PROS1: variants seen among roughly 807,000 people sequenced by gnomAD.
PROS1 encodes protein S.
A neutral mutation model predicts 75.9 loss-of-function variants in PROS1; 29 were observed. The observed-to-expected ratio is 0.38, with a 90% CI of 0.28 to 0.52. PROS1 has a LOEUF of 0.52. PROS1 is among the 20% of genes least tolerant of loss of function. The pLI is 0.83. For synonymous variants in PROS1, 245 were observed against 280.6 expected (o/e 0.87, Z 1.27); for missense variants, 680 against 810.3 (o/e 0.84, Z 1.95).
At chr3:93,919,398 T>A (rs1708909971) in intron 3 of PROS1, among the ~76,000 whole-genome samples, 1 of 146,810 alleles carries the variant, frequency 6.8e-6, no homozygotes, top group Middle Eastern at 3.5e-3. Context: ...CTGAAAGTTT[T>A]CTTCTTTGAA....
At chr3:93,968,478 A>G (rs142500727) in intron 1 of PROS1, among the ~76,000 whole-genome samples, 67 of 152,330 alleles carry the variant, frequency 4.4e-4, no homozygotes, top group African/African-American at 1.6e-3. Flanking sequence ...CAAAATTGTG[A>G]GACCACAACT....
chr3:93,925,561 G>T (rs1709003877), intron 2 of PROS1, among the ~76,000 whole-genome samples: 1 of 152,006 alleles, frequency 6.6e-6, no homozygotes, highest in Non-Finnish European at 1.5e-5. Context: ...GGGGCAGAGG[G>T]ATCACTGTGG....
chr3:93,918,771 C>T (rs1708899037), intron 3 of PROS1, among the ~76,000 whole-genome samples: 1 of 152,092 alleles, frequency 6.6e-6, no homozygotes, highest in Non-Finnish European at 1.5e-5. Context: ...GTCTCGAACT[C>T]CTAACCTCAA....
At chr3:93,941,948 A>G (rs1709294471) in intron 1 of PROS1, among the ~76,000 whole-genome samples, 1 of 151,950 alleles carries the variant, frequency 6.6e-6, no homozygotes, top group Non-Finnish European at 1.5e-5. Context: ...GTCTCCCACA[A>G]TTACTATTGT....
intron 9 of PROS1, among the ~76,000 whole-genome samples, chr3:93,895,752 G>A (rs900769926): frequency 6.6e-6 from 1 of 152,062 alleles, no homozygotes; most frequent in Non-Finnish European, 1.5e-5. Flanking sequence ...ATCACCTGAG[G>A]TCAGGAGTTT....
At chr3:93,942,208 C>G (rs1709299455) in intron 1 of PROS1, among the ~76,000 whole-genome samples, 2 of 152,252 alleles carry the variant, frequency 1.3e-5, no homozygotes, top group South Asian at 4.1e-4. Context: ...CTCTGCCCCC[C>G]TCCACTCCCT....
At chr3:93,875,452 G>A (rs1396426202) in intron 14 of PROS1, among the ~76,000 whole-genome samples, 3 of 152,000 alleles carry the variant, frequency 2.0e-5, no homozygotes, top group Non-Finnish European at 4.4e-5. Flanking sequence ...CCAAAATCCC[G>A]AAACCACTGA....
chr3:93,959,451 G>C (rs1709665525), intron 1 of PROS1, among the ~76,000 whole-genome samples: 1 of 152,120 alleles, frequency 6.6e-6, no homozygotes, highest in South Asian at 2.1e-4. Flanking sequence ...GCATTCTCTT[G>C]CCATGGTGCT....
chr3:93,901,836 G>C (rs1225068635), intron 6 of PROS1, among the ~76,000 whole-genome samples: 1 of 152,122 alleles, frequency 6.6e-6, no homozygotes, highest in African/African-American at 2.4e-5. Context: ...TTACCACTAA[G>C]GGAAAATGGG....
At chr3:93,941,626 C>G (rs1277693273) in intron 1 of PROS1, among the ~76,000 whole-genome samples, 1 of 152,202 alleles carries the variant, frequency 6.6e-6, no homozygotes, top group Non-Finnish European at 1.5e-5. Flanking sequence ...CTCTCCCTGA[C>G]TCATCCCAAC....
chr3:93,903,398 T>C (rs1323086950), intron 6 of PROS1, among the ~76,000 whole-genome samples: 1 of 152,178 alleles, frequency 6.6e-6, no homozygotes, highest in Admixed American at 6.5e-5. Context: ...GTGTGGTGGC[T>C]CATGCCTGTA....
At chr3:93,911,831 C>T (rs1288229662) in intron 3 of PROS1, among the ~76,000 whole-genome samples, 1 of 152,046 alleles carries the variant, frequency 6.6e-6, no homozygotes, top group African/African-American at 2.4e-5. Context: ...TCAAAGGGGT[C>T]CCAGGGTCCA....
At position 93,893,071 on chromosome 3, in the gene PROS1, C is replaced by G; in HGVS notation, c.1017G>C (p.Leu339=). 4 of 1,614,086 alleles carry G rather than the reference C, an allele frequency of 2.5e-6. No homozygotes were observed. The highest frequency in any genetic ancestry group is 3.4e-6 in the Non-Finnish European group (4 of 1,179,978). ...FRTYDSEGVI[L]YAESIDHSAW... ...CTGAGTGATCGATAGATTCTGCGTA[C>G]AGTATCACGCCTTCTGAATCATATG... Residue 339 remains leucine, a synonymous_variant, in exon 10 of 15, where the codon CTG becomes CTC. Transcript: ENST00000394236.
intron 12 of PROS1, among the ~76,000 whole-genome samples, chr3:93,883,454 C>G (rs1412004677): frequency 2.0e-5 from 3 of 151,890 alleles, no homozygotes; most frequent in Non-Finnish European, 2.9e-5. Context: ...ATTAGCAGGG[C>G]ATGGTGGCGC....
chr3:93,887,328 A>C (rs1306505290), intron 10 of PROS1, among the ~76,000 whole-genome samples: 1 of 152,200 alleles, frequency 6.6e-6, no homozygotes, highest in East Asian at 1.9e-4. Context: ...ATAAGAAAAA[A>C]ATACATAAAA....
At chr3:93,902,068 T>C (rs983408645) in intron 6 of PROS1, among the ~76,000 whole-genome samples, 2 of 151,986 alleles carry the variant, frequency 1.3e-5, no homozygotes, top group African/African-American at 4.8e-5. Context: ...TCCTAGCACT[T>C]TGGGGGTCAA....
At chr3:93,969,809 T>C (rs970639320) in intron 1 of PROS1, among the ~76,000 whole-genome samples, 2 of 152,234 alleles carry the variant, frequency 1.3e-5, no homozygotes, top group African/African-American at 4.8e-5. Flanking sequence ...TTAGCAATAG[T>C]TCATTACTGT....
chr3:93,961,418 G>C (rs192787816), intron 1 of PROS1, among the ~76,000 whole-genome samples: 2 of 152,212 alleles, frequency 1.3e-5, no homozygotes, highest in Non-Finnish European at 2.9e-5. Context: ...GCCACATGGC[G>C]GGAATGGTGA....
intron 8 of PROS1, among the ~76,000 whole-genome samples, 195 bp downstream of exon 8, chr3:93,898,253 C>A (rs1708532415): frequency 6.6e-6 from 1 of 151,754 alleles, no homozygotes; most frequent in South Asian, 2.1e-4. Flanking sequence ...TTTTTAAACC[C>A]AGCCACTAAT....
Sources: allele counts gnomAD v4.1 joint callset (sites outside exome capture counted in the v4.1 genomes callset), GRCh38; gene constraint gnomAD v4.1.1; transcripts MANE v1.5; gene names NCBI Gene and HGNC (gene_info 2026-07-23, HGNC 2026-07-21).